MYO3B: variants seen among roughly 807,000 people sequenced by gnomAD.
MYO3B encodes the protein myosin-IIIb.
In MYO3B, 156 loss-of-function variants were observed where a neutral mutation model predicts 174.6. That is an observed-to-expected ratio of 0.89 (90% CI 0.78 to 1.02). The LOEUF (loss-of-function observed/expected upper bound fraction) is 1.02. Among genes scored for constraint, MYO3B ranks in the 50% least tolerant of loss-of-function variants. The pLI is 0.00. For synonymous variants in MYO3B, 563 were observed against 569.1 expected (o/e 0.99, Z 0.15); for missense variants, 1,632 against 1,639.4 (o/e 1.00, Z 0.08).
rs1337765557 is a variant in MYO3B at position 170,499,810 on chromosome 2, TAA to T, written c.3289+4_3289+5del. 8 of 1,613,466 alleles carry T rather than the reference TAA, an allele frequency of 5.0e-6. No homozygotes were observed. The highest frequency in any genetic ancestry group is 6.8e-6 in the Non-Finnish European group (8 of 1,179,700). On this transcript the variant is annotated splice_donor_region_variant and intron_variant, in intron 27 of 34. Coordinates refer to ENST00000408978, the MANE Select transcript of MYO3B (RefSeq NM_138995.5). ...AGGGAGCCATTGCCATCCAGTCAGG[TAA>T]ATGGTCCTGTTCTCATAAATACTGC... is the stretch of plus-strand genomic sequence containing the variant.
At chr2:170,625,388 T>C (rs1333721036) in intron 32 of MYO3B, among the ~76,000 whole-genome samples, 10 of 152,242 alleles carry the variant, frequency 6.6e-5, no homozygotes, top group Admixed American at 6.5e-4. Flanking sequence ...TGGTAGTTTG[T>C]ATTTCTGTGG....
intron 32 of MYO3B, among the ~76,000 whole-genome samples, chr2:170,591,165 A>G (rs1307616129): frequency 1.3e-5 from 2 of 152,166 alleles, no homozygotes; most frequent in African/African-American, 4.8e-5. Flanking sequence ...ATCTATTGAC[A>G]TAATTATTAA....
intron 9 of MYO3B, among the ~76,000 whole-genome samples, chr2:170,374,127 A>G (rs1410531160): frequency 6.6e-6 from 1 of 152,196 alleles, no homozygotes; most frequent in Admixed American, 6.5e-5. Context: ...CTGTCATCTC[A>G]ATTAACTCTT....
chr2:170,605,606 C>G (rs1186895481), intron 32 of MYO3B, among the ~76,000 whole-genome samples: 1 of 152,120 alleles, frequency 6.6e-6, no homozygotes, highest in Non-Finnish European at 1.5e-5. Context: ...GCCTGCAATC[C>G]CAGCACTTTG....
At chr2:170,569,427 C>T (rs1214493423) in intron 32 of MYO3B, among the ~76,000 whole-genome samples, 3 of 151,850 alleles carry the variant, frequency 2.0e-5, no homozygotes, top group African/African-American at 7.3e-5. Flanking sequence ...TGGACCTGAA[C>T]TTGAATTGTA....
chr2:170,480,580 G>A (rs1233289659), intron 25 of MYO3B, among the ~76,000 whole-genome samples: 1 of 152,212 alleles, frequency 6.6e-6, no homozygotes, highest in African/African-American at 2.4e-5. Context: ...ACCCCAACTT[G>A]AAGCTGGTCA....
rs780343511 is a variant in MYO3B, at chr2:170,214,766, G to T, written c.464G>T (p.Arg155Leu). Residue 155 changes from arginine (R) to leucine (L), a missense_variant, in exon 5 of 35, where the codon CGT (arginine) becomes CTT (leucine). Arg to Leu is a moderately radical substitution (Grantham distance 102, BLOSUM62 -2). Transcript: ENST00000408978. ...TTGCACAACAACCGAATCATCCACC[G>T]TGATGTGAAGGGGAATAACATTCTT... ...QHLHNNRIIH[R>L]DVKGNNILLT... 6.2e-7 allele frequency: 1 copy of T among 1,614,168 alleles called. No homozygotes were observed. Among genetic ancestry groups the T allele is most frequent in the Non-Finnish European group, 8.5e-7 (1 of 1,180,004 alleles).
At chr2:170,595,057 A>G (rs1694057905) in intron 32 of MYO3B, among the ~76,000 whole-genome samples, 1 of 152,146 alleles carries the variant, frequency 6.6e-6, no homozygotes, top group South Asian at 2.1e-4. Context: ...CTGGAGCCTG[A>G]TGATCACATC....
intron 30 of MYO3B, among the ~76,000 whole-genome samples, chr2:170,526,649 T>G (rs1483957251): frequency 6.6e-6 from 1 of 152,238 alleles, no homozygotes; most frequent in Non-Finnish European, 1.5e-5. Context: ...CTTAGTTGAT[T>G]GCTAGAGCTT....
intron 28 of MYO3B, among the ~76,000 whole-genome samples, chr2:170,506,753 T>C (rs1437398914): frequency 6.6e-6 from 1 of 152,220 alleles, no homozygotes; most frequent in Non-Finnish European, 1.5e-5. Flanking sequence ...AAATGACCCA[T>C]GCTTCTTGAA....
intron 23 of MYO3B, among the ~76,000 whole-genome samples, chr2:170,445,811 T>A (rs576749145): frequency 1.2e-4 from 18 of 152,128 alleles, no homozygotes; most frequent in South Asian, 8.3e-4. Context: ...CTAAAAAAAA[T>A]TTTTTTTGTA....
chr2:170,631,806 C>A (rs1697010127), intron 32 of MYO3B, among the ~76,000 whole-genome samples: 1 of 152,084 alleles, frequency 6.6e-6, no homozygotes, highest in Non-Finnish European at 1.5e-5. Context: ...GGAGGAAGAT[C>A]TACCAAGCAA....
In MYO3B at chr2:170,333,208, C is replaced by A. The variant is rs146108763; in HGVS notation, c.750-2177C>A. 1.6e-3 allele frequency among the ~76,000 whole-genome samples: 239 copies of A among 152,260 alleles called. 3 individuals are homozygous for A. The highest frequency in any genetic ancestry group is 5.2e-3 in the African/African-American group (217 of 41,558). ...CTCACTGAAAGATATAGCACCAAAGCTGCCCACAGAGGTGAGCTGGCAGGG... is the reference window on the plus strand; with the variant it reads ...CTCACTGAAAGATATAGCACCAAAGATGCCCACAGAGGTGAGCTGGCAGGG... On this transcript the variant is annotated intron_variant, in intron 7 of 34. Coordinates refer to ENST00000408978, the MANE Select transcript of MYO3B (RefSeq NM_138995.5).
At chr2:170,505,761 T>G (rs2106098810) in intron 28 of MYO3B, among the ~76,000 whole-genome samples, 1 of 152,368 alleles carries the variant, frequency 6.6e-6, no homozygotes, top group South Asian at 2.1e-4. Flanking sequence ...AGAAATGCCC[T>G]TTGAATAGGT....
intron 8 of MYO3B, chr2:170,343,771 T>G (rs2093995007): frequency 6.6e-6 from 1 of 152,266 alleles, no homozygotes; most frequent in South Asian, 2.1e-4. Context: ...CAAATTGTAT[T>G]CTAGCACTGC....
intron 32 of MYO3B, among the ~76,000 whole-genome samples, chr2:170,609,270 A>C (rs1250197131): frequency 6.6e-6 from 1 of 152,206 alleles, no homozygotes; most frequent in Non-Finnish European, 1.5e-5. Flanking sequence ...AACATAATGG[A>C]AAACTGTACA....
At chr2:170,363,969 C>T (rs529895281) in intron 8 of MYO3B, among the ~76,000 whole-genome samples, 9 of 152,274 alleles carry the variant, frequency 5.9e-5, no homozygotes, top group African/African-American at 2.2e-4. Context: ...GTATCTAAAT[C>T]TAGTCCTTGC....
intron 32 of MYO3B, chr2:170,640,639 C>A (rs1326141004): frequency 1.3e-5 from 2 of 152,136 alleles, no homozygotes; most frequent in African/African-American, 4.8e-5. Context: ...TTAAATCCTC[C>A]AGATTACTTT....
At chr2:170,413,953 T>C (rs2094561984) in intron 22 of MYO3B, among the ~76,000 whole-genome samples, 1 of 151,678 alleles carries the variant, frequency 6.6e-6, no homozygotes, top group African/African-American at 2.4e-5. Flanking sequence ...GGCAGGAGAA[T>C]CGCATGAACC....
Sources: allele counts gnomAD v4.1 joint callset (sites outside exome capture counted in the v4.1 genomes callset), GRCh38; gene constraint gnomAD v4.1.1; transcripts MANE v1.5; gene names NCBI Gene and HGNC (gene_info 2026-07-23, HGNC 2026-07-21).